Variants in BRF1 observed in about 807,000 individuals in gnomAD.
BRF1 encodes BRF1 general transcription factor IIIB subunit.
Under a neutral mutation model 81.7 loss-of-function variants are expected in BRF1, and 59 were observed. The observed-to-expected ratio is 0.72, with a 90% CI of 0.59 to 0.90. The LOEUF (loss-of-function observed/expected upper bound fraction) is 0.90, where lower values mean the gene tolerates loss of function less well. Ranked by LOEUF, BRF1 falls within the 40% of genes least tolerant of loss-of-function variation. BRF1 has a pLI of 0.00. For missense variants in BRF1, 1,050 were observed against 936.3 expected, an observed-to-expected ratio of 1.12 and a Z score of -1.58; for synonymous variants, 491 against 395.6, an observed-to-expected ratio of 1.24 and a Z score of -2.86.
At chr14:105,274,260 G>A (rs143973117) in intron 2 of BRF1, among the ~76,000 whole-genome samples, 2 of 152,162 alleles carry the variant, frequency 1.3e-5, no homozygotes, top group African/African-American at 2.4e-5. Context: ...CTCTCCTGCC[G>A]CATTCTTCTT....
chr14:105,280,326 A>G (rs1275371569), intron 2 of BRF1, among the ~76,000 whole-genome samples: 1 of 152,262 alleles, frequency 6.6e-6, no homozygotes, highest in Non-Finnish European at 1.5e-5. Context: ...CTACGACCAC[A>G]TGACCAAGCG....
At chr14:105,281,466 T>C (rs1220687703) in intron 2 of BRF1, among the ~76,000 whole-genome samples, 2 of 145,892 alleles carry the variant, frequency 1.4e-5, no homozygotes, top group African/African-American at 2.6e-5. Context: ...GGATACAGCC[T>C]GCGTGACCCT....
rs1890157464 is a variant in BRF1 at position 105,211,783 on chromosome 14, G to A, written c.1824+330C>T. ...AGGTGAAAGACCCCTGAGCCCTGGA[G>A]GGCTGGGCCCTGTGACCTGGCAGTG... On this transcript the variant is annotated intron_variant, in intron 16 of 17. Transcript: ENST00000547530. The A allele has an allele frequency of 6.6e-6, 3 of 452,240 alleles. No individual in the cohort carries two copies. In the South Asian group the frequency reaches 7.0e-5, roughly 10 times the overall value. 28.0% of individuals were successfully genotyped at this position (452,240 alleles called of 1,614,324 possible). A position where few individuals can be genotyped will look rare whatever the true frequency, so the allele number is the denominator to read the frequency against.
chr14:105,307,949 G>C (rs1459136436), intron 1 of BRF1, among the ~76,000 whole-genome samples: 1 of 152,236 alleles, frequency 6.6e-6, no homozygotes, highest in Non-Finnish European at 1.5e-5. Flanking sequence ...TTGGGAGGCA[G>C]AGGTGGGAGG....
upstream of BRF1, chr14:105,301,238 G>A (rs983058677): frequency 6.6e-6 from 1 of 152,316 alleles, no homozygotes; most frequent in Non-Finnish European, 1.5e-5. Flanking sequence ...GGGCAGAGGA[G>A]GGTCCTCCTC....
rs201799838 is a variant in BRF1, at chr14:105,211,310, C to T, written c.1825-17G>A. 54 of 1,575,774 alleles carry T rather than the reference C, an allele frequency of 3.4e-5. No individual in the cohort carries two copies. In the East Asian group the frequency reaches 1.1e-3, roughly 32 times the overall value. ...GAGCAAAGCCTGGAACGAAGTGGGG[C>T]TCTGACACACACAGAGCTGGGAGCC... On this transcript the variant is annotated splice_polypyrimidine_tract_variant and intron_variant, in intron 16 of 17. Transcript: ENST00000547530.
chr14:105,215,721 CAT>C (rs1196079306), intron 15 of BRF1, among the ~76,000 whole-genome samples: 30 of 118,420 alleles, frequency 2.5e-4, no homozygotes, highest in African/African-American at 4.4e-4. Flanking sequence ...CACACACACA[CAT>C]GCACACACAC....
intron 1 of BRF1, among the ~76,000 whole-genome samples, chr14:105,314,119 C>A (rs587627693): frequency 6.6e-6 from 1 of 152,350 alleles, no homozygotes; most frequent in South Asian, 2.1e-4. Context: ...CGAGTCCCCG[C>A]GACCGCCGCC....
chr14:105,253,856 G>A (rs973181510), intron 4 of BRF1, among the ~76,000 whole-genome samples: 1 of 152,214 alleles, frequency 6.6e-6, no homozygotes, highest in Non-Finnish European at 1.5e-5. Context: ...GGGATCCCTG[G>A]GGTCTGCTCA....
intron 5 of BRF1, chr14:105,250,339 G>A (rs1159382945): frequency 4.3e-6 from 7 of 1,613,466 alleles, no homozygotes; most frequent in Non-Finnish European, 5.9e-6. Context: ...GGCTGGGCCT[G>A]TATGGCTCCA....
intron 3 of BRF1, among the ~76,000 whole-genome samples, chr14:105,264,992 C>T (rs2056337141): frequency 6.6e-6 from 1 of 151,840 alleles, no homozygotes; most frequent in Non-Finnish European, 1.5e-5. Flanking sequence ...AAGATACTAC[C>T]CAAGATGTCT....
chr14:105,307,747 A>T (rs2058231251), intron 1 of BRF1, among the ~76,000 whole-genome samples: 1 of 152,222 alleles, frequency 6.6e-6, no homozygotes, highest in Non-Finnish European at 1.5e-5. Context: ...CAGGGATAAG[A>T]ATAGCCCACC....
intron 15 of BRF1, among the ~76,000 whole-genome samples, chr14:105,214,914 G>C (rs1258131042): frequency 6.6e-6 from 1 of 152,146 alleles, no homozygotes; most frequent in Non-Finnish European, 1.5e-5. Flanking sequence ...CTGCCCCCAT[G>C]GGCTGCAAGG....
chr14:105,223,452 C>T (rs770947927), intron 10 of BRF1, among the ~76,000 whole-genome samples: 2 of 152,350 alleles, frequency 1.3e-5, no homozygotes, highest in South Asian at 2.1e-4. Context: ...ACACCCTCAG[C>T]GTGCTGAAGG....
intron 15 of BRF1, among the ~76,000 whole-genome samples, chr14:105,215,924 GCACA>G (rs763574872): frequency 3.5e-4 from 32 of 92,094 alleles, no homozygotes; most frequent in Non-Finnish European, 8.5e-5. Flanking sequence ...ACGCAGACAG[GCACA>G]CACACACTGC....
At chr14:105,243,306 C>T (rs902793596) in intron 5 of BRF1, among the ~76,000 whole-genome samples, 8 of 145,822 alleles carry the variant, frequency 5.5e-5, no homozygotes, top group Admixed American at 3.4e-4. Flanking sequence ...AAAAATTAGC[C>T]GGGTGTGGTG....
At chr14:105,268,423 C>T (rs1252426483) in intron 3 of BRF1, among the ~76,000 whole-genome samples, 1 of 152,244 alleles carries the variant, frequency 6.6e-6, no homozygotes. Context: ...CAGCAGCACC[C>T]CGTTCCTCCT....
intron 5 of BRF1, chr14:105,250,004 G>C (rs1384204093): frequency 6.2e-7 from 1 of 1,612,836 alleles, no homozygotes; most frequent in Non-Finnish European, 8.5e-7. Context: ...CAAGAGGCAG[G>C]GGCTGCCAAT....
At chr14:105,229,336 A>G (rs1444280263) in intron 6 of BRF1, among the ~76,000 whole-genome samples, 7 of 152,214 alleles carry the variant, frequency 4.6e-5, no homozygotes, top group Non-Finnish European at 8.8e-5. Flanking sequence ...GTGGGCCCAG[A>G]ACCTCCAGTG....
Sources: gnomAD v4.1 joint callset for allele counts (sites outside exome capture counted in the v4.1 genomes callset) on GRCh38, gnomAD v4.1.1 for gene constraint, MANE v1.5 for transcripts, NCBI Gene and HGNC (gene_info 2026-07-23, HGNC 2026-07-21) for gene names.